Variants in N4BP2 observed in about 807,000 individuals in gnomAD.
N4BP2 encodes NEDD4 binding protein 2, also known as NEDD4-binding protein 2.
Under a neutral mutation model 152.8 loss-of-function variants are expected in N4BP2, and 91 were observed. The observed-to-expected ratio is 0.60, with a 90% CI of 0.50 to 0.71. The LOEUF is 0.71. Ranked by LOEUF, N4BP2 falls within the 30% of genes least tolerant of loss-of-function variation. N4BP2 has a pLI of 0.00. For missense variants in N4BP2, 1,923 were observed against 2,059.1 expected, an observed-to-expected ratio of 0.93 and a Z score of 1.28; for synonymous variants, 646 against 705.3, an observed-to-expected ratio of 0.92 and a Z score of 1.33.
chr4:40,084,732 CGA>C (rs1713763235), intron 2 of N4BP2, among the ~76,000 whole-genome samples: 1 of 149,988 alleles, frequency 6.7e-6, no homozygotes, highest in Non-Finnish European at 1.5e-5. Flanking sequence ...CGGGTTCAAG[CGA>C]TTCTCCTGCC....
chr4:40,133,806 T>TTG (rs974745967), intron 13 of N4BP2, among the ~76,000 whole-genome samples: 8 of 152,010 alleles, frequency 5.3e-5, no homozygotes, highest in African/African-American at 1.7e-4. Context: ...ATATACTTTT[T>TTG]TGTGTGTGTG....
At chr4:40,078,466 T>A (rs1029758484) in intron 2 of N4BP2, among the ~76,000 whole-genome samples, 5 of 151,984 alleles carry the variant, frequency 3.3e-5, no homozygotes, top group African/African-American at 9.7e-5. Flanking sequence ...ATGGTTTTTT[T>A]AAGTTTCTTG....
At chr4:40,176,084 C>T in the N4BP2 span, among the ~76,000 whole-genome samples, 1,637 of 135,840 alleles carry the variant, frequency 0.012, 33 homozygotes, top group African/African-American at 0.04. Context: ...AGCGAGACTC[C>T]GTCTCAAAAA....
intron 12 of N4BP2, among the ~76,000 whole-genome samples, chr4:40,127,187 C>T (rs996535316): frequency 6.6e-6 from 1 of 151,910 alleles, no homozygotes; most frequent in African/African-American, 2.4e-5. Flanking sequence ...CTGTGCCTGA[C>T]CGGCTGCATC....
chr4:40,095,259 T>C (rs1715004028), intron 2 of N4BP2, among the ~76,000 whole-genome samples: 1 of 152,112 alleles, frequency 6.6e-6, no homozygotes, highest in Non-Finnish European at 1.5e-5. Flanking sequence ...TTTTGTATTT[T>C]AGTAGAGACA....
chr4:40,122,553 T>C (rs1718038653), intron 9 of N4BP2, among the ~76,000 whole-genome samples: 1 of 152,212 alleles, frequency 6.6e-6, no homozygotes. Flanking sequence ...AGTTCTATTT[T>C]GATTGTAAAA....
chr4:40,080,902 G>A (rs555931667), intron 2 of N4BP2, among the ~76,000 whole-genome samples: 3 of 149,962 alleles, frequency 2.0e-5, no homozygotes, highest in South Asian at 2.1e-4. Context: ...TCCTGATCTC[G>A]TGATCCGCCC....
chr4:40,089,551 C>T (rs1714332625), intron 2 of N4BP2, among the ~76,000 whole-genome samples: 1 of 151,740 alleles, frequency 6.6e-6, no homozygotes. Flanking sequence ...ATTCTCTTGC[C>T]TCAGCCTCCC....
chr4:40,122,218 ATC>A lies in N4BP2; in HGVS notation c.4111_4112del (p.Leu1371AspfsTer12). On this transcript the variant is annotated frameshift_variant, in exon 9 of 18. Transcript: ENST00000261435. LOFTEE classifies it high-confidence loss of function. The part of the protein sequence containing the change: ...ILNPTPAMAK[S>X]LTIDCLELAL... ...TGAATCCCACTCCAGCGATGGCCAAATCTCTGACCATAGACTGTCTGGAATTG... is the reference window on the plus strand; with the variant it reads ...TGAATCCCACTCCAGCGATGGCCAAATCTGACCATAGACTGTCTGGAATTG... The A allele has an allele frequency of 6.2e-7, 1 of 1,613,792 alleles. No individual in the cohort carries two copies. The highest frequency in any genetic ancestry group is 8.5e-7 in the Non-Finnish European group (1 of 1,179,806).
chr4:40,121,773 T>G lies in N4BP2; in HGVS notation c.3662T>G (p.Phe1221Cys). ...AACCATGAATCGATGACAAGTATATTTCCCAGTGCTGCTGTGGGTCTAAAG... is the reference window on the plus strand; with the variant it reads ...AACCATGAATCGATGACAAGTATATGTCCCAGTGCTGCTGTGGGTCTAAAG... The part of the protein sequence containing the change: ...PENHESMTSI[F>C]PSAAVGLKNN... Residue 1221 changes from phenylalanine to cysteine, a missense_variant, in exon 9 of 18, where the codon TTT (phenylalanine) becomes TGT (cysteine). By Grantham distance (205) the Phe-to-Cys change is radical. Transcript: ENST00000261435. 6.2e-7 allele frequency: 1 copy of G among 1,613,950 alleles called. No individual in the cohort carries two copies. The highest frequency in any genetic ancestry group is 8.5e-7 in the Non-Finnish European group (1 of 1,179,976).
At position 40,062,670 on chromosome 4, in the gene N4BP2, T is replaced by C. The variant is rs558448392; in HGVS notation, c.-212+5640T>C. 9.9e-5 allele frequency among the ~76,000 whole-genome samples: 15 copies of C among 152,066 alleles called. No homozygotes were observed. The South Asian group carries it at 3.1e-3, about 32-fold the overall frequency. On this transcript the variant is annotated intron_variant, in intron 1 of 17. Coordinates refer to ENST00000261435, the MANE Select transcript of N4BP2 (RefSeq NM_018177.6). ...CTGTCAGTGTGCTAGCCCTATTAAG[T>C]TCCTTGTATTTCTCCCTGAAGGGGT...
intron 2 of N4BP2, among the ~76,000 whole-genome samples, chr4:40,080,572 T>C (rs1713256502): frequency 6.6e-6 from 1 of 152,010 alleles, no homozygotes; most frequent in Admixed American, 6.6e-5. Flanking sequence ...CCTGATCTAG[T>C]GACCTGCCCG....
At chr4:40,076,558 G>A (rs1024791193) in intron 2 of N4BP2, among the ~76,000 whole-genome samples, 12 of 151,928 alleles carry the variant, frequency 7.9e-5, no homozygotes, top group African/African-American at 2.7e-4. Flanking sequence ...GCGCCATCTC[G>A]GCTCACTGCA....
intron 2 of N4BP2, among the ~76,000 whole-genome samples, chr4:40,092,010 ATAT>A (rs1714630109): frequency 3.2e-5 from 1 of 31,378 alleles, no homozygotes; most frequent in African/African-American, 1.2e-4. Flanking sequence ...AAAAAAAATT[ATAT>A]ATATATATAT....
rs185320973 is a variant in N4BP2, at chr4:40,111,482, G to C, written c.1499-602G>C. Among the ~76,000 whole-genome samples, 61 of 151,982 alleles carry C rather than the reference G, an allele frequency of 4.0e-4. 1 individual carries two copies. In the East Asian group the frequency reaches 0.011, roughly 27 times the overall value. ...ACTACAGGTGCGTGCCACCACACCTGGCTAATTTTTGTATTTTTAGTGGAG... is the reference window on the plus strand; with the variant it reads ...ACTACAGGTGCGTGCCACCACACCTCGCTAATTTTTGTATTTTTAGTGGAG... On this transcript the variant is annotated intron_variant, in intron 5 of 17. Coordinates refer to ENST00000261435, the MANE Select transcript of N4BP2 (RefSeq NM_018177.6).
At chr4:40,097,089 AAG>A (rs1560588515) in intron 2 of N4BP2, 136 bp from the exon 3 acceptor site, 5 of 391,978 alleles carry the variant, frequency 1.3e-5, no homozygotes, top group African/African-American at 2.0e-5. Flanking sequence ...GCATATTTTG[AAG>A]AGAGAGAAAT....
At position 40,122,280 on chromosome 4, in the gene N4BP2, A is replaced by C; in HGVS notation, c.4169A>C (p.Glu1390Ala). ...LPPELAFQLN[E>A]LFGPVGIDSG... The stretch of plus-strand genomic sequence containing the variant: ...CCTGAACTGGCTTTTCAACTTAATG[A>C]ATTATTTGGTCCTGTTGGTATTGAT... The change falls in exon 9 of 18, where the codon GAA (glutamate) becomes GCA (alanine). Residue 1390 changes from glutamate to alanine, a missense_variant. Coordinates refer to ENST00000261435, the MANE Select transcript of N4BP2 (RefSeq NM_018177.6). 6.3e-7 allele frequency: 1 copy of C among 1,588,000 alleles called. No homozygotes were observed. The highest frequency in any genetic ancestry group is 8.6e-7 in the Non-Finnish European group (1 of 1,165,154).
chr4:40,174,716 C>T, the N4BP2 span, among the ~76,000 whole-genome samples: 2 of 152,050 alleles, frequency 1.3e-5, no homozygotes, highest in East Asian at 3.9e-4. Flanking sequence ...GCAAGAGAAT[C>T]GCTTGAGCCT....
At chr4:40,071,729 G>C (rs1193215132) in intron 1 of N4BP2, among the ~76,000 whole-genome samples, 2 of 151,986 alleles carry the variant, frequency 1.3e-5, no homozygotes, top group African/African-American at 4.8e-5. Context: ...ACCACGCCCA[G>C]CTAATTATGT....
Sources: gnomAD v4.1 joint callset for allele counts (sites outside exome capture counted in the v4.1 genomes callset) on GRCh38, gnomAD v4.1.1 for gene constraint, MANE v1.5 for transcripts, NCBI Gene and HGNC (gene_info 2026-07-23, HGNC 2026-07-21) for gene names.